Variants in MFAP1 observed in about 807,000 individuals in gnomAD.
MFAP1 encodes microfibrillar-associated protein 1.
MFAP1 carries 18 observed loss-of-function variants against 62.2 expected under a neutral mutation model. That is an observed-to-expected ratio of 0.29 (90% CI 0.20 to 0.43). The LOEUF is 0.43. MFAP1 is among the 20% of genes least tolerant of loss of function. The pLI is 1.00. For synonymous variants in MFAP1, 175 were observed against 180.4 expected, an observed-to-expected ratio of 0.97 and a Z score of 0.24; for missense variants, 355 against 559.7, an observed-to-expected ratio of 0.63 and a Z score of 3.69.
In MFAP1 at chr15:43,814,866, T is replaced by G. The variant is rs2087424301; in HGVS notation, c.429+79A>C. ...CTGCCAAAGCAGTGATCTCATGTTT[T>G]TAAGGCTTCAACAAATGAGCACTGG... On this transcript the variant is annotated intron_variant, in intron 3 of 8. Transcript: ENST00000267812. The G allele has an allele frequency of 5.1e-6, 8 of 1,576,088 alleles. No individual in the cohort carries two copies. In the African/African-American group the frequency reaches 1.1e-4, roughly 21 times the overall value.
At chr15:43,817,842 C>T (rs2087443688) in intron 1 of MFAP1, among the ~76,000 whole-genome samples, 1 of 152,170 alleles carries the variant, frequency 6.6e-6, no homozygotes, top group Admixed American at 6.5e-5. Context: ...GTAATTTCTG[C>T]AGGAACATAA....
chr15:43,810,606 A>G (rs924359290), intron 6 of MFAP1, among the ~76,000 whole-genome samples: 4 of 152,062 alleles, frequency 2.6e-5, no homozygotes, highest in Non-Finnish European at 5.9e-5. Context: ...TGACCTCGTG[A>G]TCCGCCCGCC....
At chr15:43,809,643 G>A (rs1164617380) in intron 7 of MFAP1, 112 bp downstream of exon 7, 1 of 1,302,704 alleles carries the variant, frequency 7.7e-7, no homozygotes, top group East Asian at 2.3e-5. Flanking sequence ...TGAGAAAGCT[G>A]ACCACTGGCA....
intron 7 of MFAP1, among the ~76,000 whole-genome samples, chr15:43,808,547 T>C (rs1363633613): frequency 6.6e-6 from 1 of 152,242 alleles, no homozygotes; most frequent in East Asian, 1.9e-4. Context: ...AGCAATGAAC[T>C]GCTTCTCTAA....
chr15:43,809,992 T>C lies in MFAP1; in HGVS notation c.888-78A>G, dbSNP rs2087389156. 8 of 1,530,540 alleles carry C rather than the reference T, an allele frequency of 5.2e-6. No individual in the cohort carries two copies. The South Asian group carries it at 9.4e-5, about 18-fold the overall frequency. The allele number at this position is 1,530,540 out of a possible 1,614,324, so 94.8% of individuals were successfully genotyped here. ...AAATTATCTGAAAATAACAGTCCCA[T>C]GTCATTTCAAGTATTAGTCACCTTC... On this transcript the variant is annotated intron_variant, in intron 6 of 8. Transcript: ENST00000267812.
chr15:43,807,050 C>T (rs989917736), intron 7 of MFAP1, among the ~76,000 whole-genome samples: 9 of 151,330 alleles, frequency 5.9e-5, no homozygotes, highest in Admixed American at 2.6e-4. Flanking sequence ...CACCGAATGT[C>T]AAAAAGTCTA....
At chr15:43,805,814 G>A (rs1212677756) in intron 7 of MFAP1, among the ~76,000 whole-genome samples, 3 of 152,038 alleles carry the variant, frequency 2.0e-5, no homozygotes, top group South Asian at 2.1e-4. Context: ...GAGTTTCACC[G>A]TGTTAGCCCA....
Position 43,804,727 on chromosome 15 carries a change from A to C in MFAP1, c.*367T>G. On this transcript the variant is annotated 3_prime_UTR_variant, in exon 9 of 9. Transcript: ENST00000267812. ...GGTATATTACTCCTAAACCTAAGGT[A>C]GAAGTAATGCATTGTTCACTTACAT... is the stretch of plus-strand genomic sequence containing the variant. 5.7e-6 allele frequency: 1 copy of C among 174,766 alleles called. No individual in the cohort carries two copies. The highest frequency in any genetic ancestry group is 6.3e-5 in the Admixed American group (1 of 15,972). 10.8% of individuals were successfully genotyped at this position (174,766 alleles called of 1,614,324 possible). A position where few individuals can be genotyped will look rare whatever the true frequency, so the allele number is the denominator to read the frequency against.
At chr15:43,823,126 C>T (rs1249854576) in intron 1 of MFAP1, among the ~76,000 whole-genome samples, 4 of 151,168 alleles carry the variant, frequency 2.6e-5, no homozygotes, top group South Asian at 4.2e-4. Context: ...CGTGAGCCAC[C>T]GCGCCGGGCC....
chr15:43,818,503 CCAAAAAAAAAAAAAGAAA>C (rs985832791), intron 1 of MFAP1, among the ~76,000 whole-genome samples: 7 of 62,000 alleles, frequency 1.1e-4, no homozygotes, highest in East Asian at 1.4e-3. Flanking sequence ...ATAAAAACTA[CCAAAAAAAAAAAAAGAAA>C]CAAAAAAAAA....
chr15:43,810,660 C>T lies in MFAP1; in HGVS notation c.888-746G>A, dbSNP rs188770144. ...GGGATTATAGGCGTGAGCCACTGCG[C>T]CCAGCCAGATTGCAGTAACTTTTTA... On this transcript the variant is annotated intron_variant, in intron 6 of 8. Transcript: ENST00000267812. Among the ~76,000 whole-genome samples the T allele has an allele frequency of 5.1e-3, 777 of 152,226 alleles. 3 individuals carry two copies. The highest frequency in any genetic ancestry group is 7.5e-3 in the Non-Finnish European group (512 of 68,026).
chr15:43,814,530 C>T lies in MFAP1; in HGVS notation c.588G>A (p.Glu196=), dbSNP rs746677387. ...EEYTDSEDEM[E]PRLKPVFIRK... ...GAATGAAGACTGGCTTAAGGCGAGG[C>T]TCCATCTCATCTTCACTGTCTGTGT... The change falls in exon 4 of 9, where the codon GAG becomes GAA. Residue 196 remains glutamate (E), a synonymous_variant. Coordinates refer to ENST00000267812, the MANE Select transcript of MFAP1 (RefSeq NM_005926.3). 6.2e-7 allele frequency: 1 copy of T among 1,613,432 alleles called. No homozygotes were observed. Among genetic ancestry groups the T allele is most frequent in the African/African-American group, 1.3e-5 (1 of 74,896 alleles).
chr15:43,820,956 T>C (rs1394231724), intron 1 of MFAP1, among the ~76,000 whole-genome samples: 4 of 152,054 alleles, frequency 2.6e-5, no homozygotes, highest in Admixed American at 6.6e-5. Context: ...CCCAGGCTGG[T>C]GTGCAGTGGC....
Position 43,813,029 on chromosome 15 carries a change from C to T in MFAP1, c.845G>A (p.Arg282Gln). Residue 282 changes from arginine (R) to glutamine (Q), a missense_variant, in exon 6 of 9, where the codon CGA becomes CAA. By Grantham distance (43) the Arg-to-Gln change is conservative. Transcript: ENST00000267812. ...DEEEYEAWKV[R>Q]ELKRIKRDRE... is the part of the protein sequence containing the mutation. ...GTCCCTCTTGATTCTTTTTAGCTCTCGAACTTTCCATGCCTCATATTCCTC... is the reference window on the plus strand; with the variant it reads ...GTCCCTCTTGATTCTTTTTAGCTCTTGAACTTTCCATGCCTCATATTCCTC... 6.2e-7 allele frequency: 1 copy of T among 1,614,130 alleles called. No individual in the cohort carries two copies. The highest frequency in any genetic ancestry group is 1.6e-4 in the Middle Eastern group (1 of 6,062).
rs1460388422 is a variant in MFAP1 at position 43,814,505 on chromosome 15, G to A, written c.613C>T (p.Arg205Ter). The A allele has an allele frequency of 1.2e-6, 2 of 1,605,272 alleles. No individual in the cohort carries two copies. The highest frequency in any genetic ancestry group is 8.5e-7 in the Non-Finnish European group (1 of 1,174,874). Residue 205 changes from arginine to a stop codon, truncating the protein, a stop_gained, in exon 4 of 9, where the codon CGA becomes TGA. Transcript: ENST00000267812. LOFTEE classifies it high-confidence loss of function. ...MEPRLKPVFI[R>*]KKDRVTVQER... is the part of the protein sequence containing the mutation. Reference sequence around the variant, plus strand: ...TCTGGCTTGTGAGATACTTACTTTCGAATGAAGACTGGCTTAAGGCGAGGC... The same window carrying A: ...TCTGGCTTGTGAGATACTTACTTTCAAATGAAGACTGGCTTAAGGCGAGGC...
At chr15:43,814,447 A>G in intron 4 of MFAP1, 54 bp downstream of exon 4, 1 of 1,523,228 alleles carries the variant, frequency 6.6e-7, no homozygotes, top group Non-Finnish European at 8.8e-7. Context: ...TTTTGTCTCC[A>G]GGCCTGGAAA....
chr15:43,813,553 T>C (rs2087416507), intron 4 of MFAP1, among the ~76,000 whole-genome samples, 196 bp from the exon 5 acceptor site: 2 of 134,650 alleles, frequency 1.5e-5, no homozygotes, highest in South Asian at 5.2e-4. Flanking sequence ...ACTTGTCGCC[T>C]AGGCTGCAGT....
At chr15:43,813,887 C>G (rs925023685) in intron 4 of MFAP1, among the ~76,000 whole-genome samples, 7 of 152,224 alleles carry the variant, frequency 4.6e-5, no homozygotes, top group Non-Finnish European at 4.4e-5. Context: ...CTGCTGGCCT[C>G]TAAGCAGTAG....
At chr15:43,818,030 T>G (rs1213901871) in intron 1 of MFAP1, among the ~76,000 whole-genome samples, 2 of 151,074 alleles carry the variant, frequency 1.3e-5, no homozygotes, top group Non-Finnish European at 3.0e-5. Context: ...TTTTTTTTTT[T>G]TTTTTTTGAG....
Sources: allele counts gnomAD v4.1 joint callset (sites outside exome capture counted in the v4.1 genomes callset), GRCh38; gene constraint gnomAD v4.1.1; transcripts MANE v1.5; gene names NCBI Gene and HGNC (gene_info 2026-07-23, HGNC 2026-07-21).